Variants in NUP107 observed in about 807,000 individuals in gnomAD.
The protein encoded by NUP107 is nuclear pore complex protein Nup107.
Under a neutral mutation model 141.0 loss-of-function variants are expected in NUP107, and 101 were observed. The observed-to-expected ratio is 0.72, with a 90% confidence interval of 0.61 to 0.84. The LOEUF (loss-of-function observed/expected upper bound fraction) is 0.84, where lower values mean the gene tolerates loss of function less well. Ranked by LOEUF, NUP107 falls within the 40% of genes least tolerant of loss-of-function variation. The pLI is 0.00. For synonymous variants in NUP107, 319 were observed against 363.9 expected (o/e 0.88, Z 1.41); for missense variants, 941 against 1,102.7 (o/e 0.85, Z 2.08).
At chr12:68,700,892 G>A (rs745364562) in intron 7 of NUP107, 39 bp downstream of exon 7, 3 of 1,489,842 alleles carry the variant, frequency 2.0e-6, no homozygotes, top group African/African-American at 2.8e-5. Context: ...ATAAACATAA[G>A]GTAATAAACC....
At chr12:68,711,121 G>C (rs1044628612) in intron 10 of NUP107, among the ~76,000 whole-genome samples, 2 of 152,024 alleles carry the variant, frequency 1.3e-5, no homozygotes, top group Admixed American at 1.3e-4. Flanking sequence ...CAGGCGTGGT[G>C]GCGGGCGGAT....
At chr12:68,702,983 A>C (rs983792301) in intron 8 of NUP107, among the ~76,000 whole-genome samples, 199 bp downstream of exon 8, 1 of 151,896 alleles carries the variant, frequency 6.6e-6, no homozygotes, top group Non-Finnish European at 1.5e-5. Flanking sequence ...AGCTGGGATT[A>C]CAGGCGTGCC....
chr12:68,726,655 T>C, intron 19 of NUP107, 38 bp downstream of exon 19: 1 of 1,222,816 alleles, frequency 8.2e-7, no homozygotes, highest in Non-Finnish European at 1.2e-6. Context: ...CTCTGTAATG[T>C]TGATGCTATA....
At chr12:68,697,882 G>A (rs545046984) in intron 6 of NUP107, among the ~76,000 whole-genome samples, 24 of 151,768 alleles carry the variant, frequency 1.6e-4, no homozygotes, top group Middle Eastern at 3.4e-3. Context: ...TACAAAATTA[G>A]CCAGGTGTGG....
Position 68,715,674 on chromosome 12 carries a change from T to TA in NUP107, c.1018dup (p.Arg340LysfsTer4). 6.2e-7 allele frequency: 1 copy of TA among 1,613,422 alleles called. No homozygotes were observed. The highest frequency in any genetic ancestry group is 1.1e-5 in the South Asian group (1 of 91,076). ...AGAAAATGCCCCTTGATGATCTGGA[T>TA]AGAGAAGATGAAGTTAGATTACTCA... On this transcript the variant is annotated frameshift_variant, in exon 12 of 28. Coordinates refer to ENST00000229179, the MANE Select transcript of NUP107 (RefSeq NM_020401.4). LOFTEE classifies it high-confidence loss of function.
At chr12:68,725,626 A>C in intron 17 of NUP107, 101 bp from the exon 18 acceptor site, 1 of 654,090 alleles carries the variant, frequency 1.5e-6, no homozygotes, top group Non-Finnish European at 2.6e-6. Context: ...TTTTCTTTCT[A>C]TATGTTCCTT....
intron 17 of NUP107, among the ~76,000 whole-genome samples, chr12:68,724,134 G>A (rs540075417): frequency 3.4e-5 from 5 of 148,552 alleles, no homozygotes; most frequent in East Asian, 2.0e-4. Context: ...ACAAGACAAC[G>A]TTTTTTTTTT....
rs145676054 is a variant in NUP107 at position 68,739,455 on chromosome 12, A to C, written c.2503-2358A>C. Among the ~76,000 whole-genome samples the C allele has an allele frequency of 9.3e-3, 1,424 of 152,338 alleles. 12 individuals are homozygous for C. The highest frequency in any genetic ancestry group is 0.021 in the South Asian group (102 of 4,832). Reference sequence around the variant, plus strand: ...GATACTGCATTACTGAGGTGAATGTACTGTCTTCAGATTAGGAATAGCTGT... The same window carrying C: ...GATACTGCATTACTGAGGTGAATGTCCTGTCTTCAGATTAGGAATAGCTGT... On this transcript the variant is annotated intron_variant, in intron 26 of 27. Transcript: ENST00000229179.
At position 68,689,457 on chromosome 12, in the gene NUP107, A is replaced by G. The variant is rs2546509; in HGVS notation, c.101-76A>G. The G allele has an allele frequency of 0.25, 206,330 of 820,098 alleles. 27,514 individuals carry two copies. Among genetic ancestry groups the G allele is most frequent in the Middle Eastern group, 0.3 (1,315 of 4,386 alleles). 50.8% of individuals were successfully genotyped at this position (820,098 alleles called of 1,614,324 possible). A position where few individuals can be genotyped will look rare whatever the true frequency, so the allele number is the denominator to read the frequency against. ...TGAAAAATGTATTCACATAATTTGT[A>G]TAGTAAAAAGATGGTTAATTCTCAT... On this transcript the variant is annotated intron_variant, in intron 2 of 27. Transcript: ENST00000229179.
At chr12:68,733,302 T>G (rs1300679518) in intron 23 of NUP107, 150 bp from the exon 24 acceptor site, 2 of 562,404 alleles carry the variant, frequency 3.6e-6, no homozygotes, top group African/African-American at 3.8e-5. Context: ...GTCTATCAGG[T>G]AGAAAGATCA....
intron 8 of NUP107, among the ~76,000 whole-genome samples, chr12:68,704,615 G>A (rs879575513): frequency 2.0e-5 from 3 of 151,594 alleles, no homozygotes; most frequent in Non-Finnish European, 2.9e-5. Flanking sequence ...CACCACACCC[G>A]GCTAATTTTT....
chr12:68,710,127 C>A, intron 10 of NUP107, 34 bp downstream of exon 10: 1 of 1,056,592 alleles, frequency 9.5e-7, no homozygotes, highest in Admixed American at 1.8e-5. Flanking sequence ...TAAGGTCACT[C>A]AATGTTGATA....
chr12:68,696,798 T>TC, intron 5 of NUP107, 21 bp from the exon 6 acceptor site: 2 of 1,361,042 alleles, frequency 1.5e-6, no homozygotes, highest in Non-Finnish European at 2.0e-6. Flanking sequence ...TATTCCTTTT[T>TC]TTTTTTTTGA....
chr12:68,727,893 A>G (rs1262476504), intron 20 of NUP107, among the ~76,000 whole-genome samples: 2 of 152,164 alleles, frequency 1.3e-5, no homozygotes, highest in Non-Finnish European at 2.9e-5. Context: ...ATTTATGCAG[A>G]AGTGGACCTG....
intron 20 of NUP107, among the ~76,000 whole-genome samples, chr12:68,730,798 C>G (rs1309559098): frequency 6.6e-6 from 1 of 151,914 alleles, no homozygotes; most frequent in Non-Finnish European, 1.5e-5. Context: ...AAAGCCATCT[C>G]TACTAAAAAA....
At chr12:68,705,434 G>T (rs1016505167) in intron 8 of NUP107, among the ~76,000 whole-genome samples, 10 of 151,252 alleles carry the variant, frequency 6.6e-5, no homozygotes, top group African/African-American at 2.4e-4. Context: ...ATTTTAAAGG[G>T]AGTATCTCAC....
At position 68,700,858 on chromosome 12, in the gene NUP107, T is replaced by C. The variant is rs755317853; in HGVS notation, c.680+5T>C. ...GCTGCTGGCTTCTTTGTATAGGTAA[T>C]GGCGTCTAGAATTCATAAGTGAAAT... On this transcript the variant is annotated splice_donor_5th_base_variant and intron_variant, in intron 7 of 27. Transcript: ENST00000229179. The C allele has an allele frequency of 3.8e-6, 6 of 1,574,250 alleles. No individual in the cohort carries two copies. Among genetic ancestry groups the C allele is most frequent in the Non-Finnish European group, 4.3e-6 (5 of 1,167,866 alleles).
Position 68,743,539 on chromosome 12 carries a change from G to A in NUP107, c.*1077G>A, listed in dbSNP as rs1487832048. ...AGGCAAAGAGTGACACAAGAAGGAT[G>A]AGGCTCTATAGATTAAGAAATCAGT... On this transcript the variant is annotated 3_prime_UTR_variant, in exon 28 of 28. Coordinates refer to ENST00000229179, the MANE Select transcript of NUP107 (RefSeq NM_020401.4). 1 of 152,266 alleles carries A rather than the reference G, an allele frequency of 6.6e-6. No individual in the cohort carries two copies. Among genetic ancestry groups the A allele is most frequent in the Non-Finnish European group, 1.5e-5 (1 of 68,060 alleles). 9.4% of individuals were successfully genotyped at this position (152,266 alleles called of 1,614,324 possible).
rs1345566886 is a variant in NUP107 at position 68,733,477 on chromosome 12, A to G, written c.2127A>G (p.Lys709=). The change falls in exon 24 of 28, where the codon AAA becomes AAG. Residue 709 remains lysine (K), a synonymous_variant. Coordinates refer to ENST00000229179, the MANE Select transcript of NUP107 (RefSeq NM_020401.4). The part of the protein sequence containing the change: ...FLASKKHEAA[K]EVFVKIPQDS... ...CATCAAAAAAGCACGAAGCTGCAAA[A>G]GAAGTATTTGTGAAAATTCCTCAGG... is the stretch of plus-strand genomic sequence containing the variant. The G allele has an allele frequency of 4.3e-6, 7 of 1,611,040 alleles. No homozygotes were observed. The highest frequency in any genetic ancestry group is 5.9e-6 in the Non-Finnish European group (7 of 1,178,746).
Sources: gnomAD v4.1 joint callset for allele counts (sites outside exome capture counted in the v4.1 genomes callset) on GRCh38, gnomAD v4.1.1 for gene constraint, MANE v1.5 for transcripts, NCBI Gene and HGNC (gene_info 2026-07-23, HGNC 2026-07-21) for gene names.